SEMA3D: variants seen among roughly 807,000 people sequenced by gnomAD.
SEMA3D encodes semaphorin-3D.
Under a neutral mutation model 100.1 loss-of-function variants are expected in SEMA3D, and 84 were observed. That is an observed-to-expected ratio of 0.84 (90% CI 0.70 to 1.01). SEMA3D has a LOEUF of 1.01. Among genes scored for constraint, SEMA3D ranks in the 50% least tolerant of loss-of-function variants. SEMA3D has a pLI of 0.00. For missense variants in SEMA3D, 875 were observed against 934.1 expected (o/e 0.94, Z 0.82); for synonymous variants, 312 against 320.7 (o/e 0.97, Z 0.29).
chr7:85,028,334 C>T, intron 12 of SEMA3D: 2 of 611,884 alleles, frequency 3.3e-6, no homozygotes, highest in Non-Finnish European at 5.9e-6. Flanking sequence ...TCTCAATGTA[C>T]TTGGAATTAT....
the SEMA3D span, among the ~76,000 whole-genome samples, chr7:85,233,743 A>G: frequency 2.9e-4 from 44 of 152,368 alleles, no homozygotes; most frequent in Admixed American, 1.1e-3. Flanking sequence ...AAGAGATACC[A>G]ATACAAGCAA....
At chr7:85,189,168 T>A (rs1791639837), upstream of SEMA3D, among the ~76,000 whole-genome samples, 1 of 152,200 alleles carries the variant, frequency 6.6e-6, no homozygotes, top group Admixed American at 6.5e-5. Context: ...TTGCCCAATG[T>A]GATGAATGGC....
At chr7:85,168,997 A>C (rs1029324439) in intron 1 of SEMA3D, among the ~76,000 whole-genome samples, 5 of 151,748 alleles carry the variant, frequency 3.3e-5, no homozygotes, top group African/African-American at 1.2e-4. Flanking sequence ...ACAATATCTC[A>C]GTTTGCTTTT....
At chr7:85,062,471 G>A (rs1791504644) in intron 8 of SEMA3D, among the ~76,000 whole-genome samples, 1 of 152,134 alleles carries the variant, frequency 6.6e-6, no homozygotes, top group South Asian at 2.1e-4. Flanking sequence ...TTAGATAAAG[G>A]AGAGGAAGAA....
intron 1 of SEMA3D, among the ~76,000 whole-genome samples, chr7:85,159,403 C>A (rs771427960): frequency 3.9e-5 from 6 of 152,060 alleles, no homozygotes; most frequent in Non-Finnish European, 1.5e-5. Flanking sequence ...TCAAATTTTC[C>A]TCTAACTCTA....
At chr7:85,215,638 C>A in the SEMA3D span, among the ~76,000 whole-genome samples, 1 of 151,680 alleles carries the variant, frequency 6.6e-6, no homozygotes, top group Admixed American at 6.6e-5. Flanking sequence ...TTTGTTTCTG[C>A]GGATTATAAC....
chr7:85,218,084 A>G, the SEMA3D span, among the ~76,000 whole-genome samples: 38 of 152,086 alleles, frequency 2.5e-4, no homozygotes, highest in Admixed American at 5.9e-4. Flanking sequence ...AGGAGTCTCA[A>G]AGAAGCATAA....
chr7:85,246,904 A>G, the SEMA3D span, among the ~76,000 whole-genome samples: 1 of 151,986 alleles, frequency 6.6e-6, no homozygotes, highest in Non-Finnish European at 1.5e-5. Context: ...GATACAATAT[A>G]ACAGTGAAAA....
At chr7:85,212,544 A>T in the SEMA3D span, among the ~76,000 whole-genome samples, 1 of 150,958 alleles carries the variant, frequency 6.6e-6, no homozygotes, top group Non-Finnish European at 1.5e-5. Flanking sequence ...GACTCAGATT[A>T]AAAAACAAGT....
the SEMA3D span, among the ~76,000 whole-genome samples, chr7:85,205,352 G>A: frequency 6.6e-6 from 1 of 152,124 alleles, no homozygotes; most frequent in African/African-American, 2.4e-5. Flanking sequence ...GTAAGTAGAT[G>A]AGGTGATGGA....
chr7:85,208,039 A>G, the SEMA3D span, among the ~76,000 whole-genome samples: 1 of 151,908 alleles, frequency 6.6e-6, no homozygotes, highest in Non-Finnish European at 1.5e-5. Context: ...ATGCTAAATC[A>G]CTCCCAATTT....
intron 12 of SEMA3D, among the ~76,000 whole-genome samples, chr7:85,034,020 C>T (rs1790622406): frequency 6.6e-6 from 1 of 151,918 alleles, no homozygotes; most frequent in African/African-American, 2.4e-5. Context: ...TAGTAAATAG[C>T]CAAGAATTTG....
At chr7:85,060,355 C>A (rs1791438195) in intron 8 of SEMA3D, among the ~76,000 whole-genome samples, 1 of 152,088 alleles carries the variant, frequency 6.6e-6, no homozygotes, top group South Asian at 2.1e-4. Flanking sequence ...CTGTTGAGGT[C>A]CGGTCTTAGA....
chr7:85,194,273 C>A, the SEMA3D span, among the ~76,000 whole-genome samples: 1 of 152,006 alleles, frequency 6.6e-6, no homozygotes, highest in Non-Finnish European at 1.5e-5. Context: ...GATAGCATTG[C>A]TTGTTTCTGA....
chr7:85,125,647 T>C (rs1284141989), intron 2 of SEMA3D, among the ~76,000 whole-genome samples: 1 of 152,068 alleles, frequency 6.6e-6, no homozygotes, highest in Non-Finnish European at 1.5e-5. Flanking sequence ...AGACCTACAA[T>C]CTACTGGTCC....
At chr7:85,004,253 C>T (rs1789733610) in intron 18 of SEMA3D, among the ~76,000 whole-genome samples, 1 of 151,884 alleles carries the variant, frequency 6.6e-6, no homozygotes, top group African/African-American at 2.4e-5. Context: ...CACTTAGTGG[C>T]CTCATAGTTC....
intron 5 of SEMA3D, among the ~76,000 whole-genome samples, chr7:85,074,812 G>T (rs1300131629): frequency 6.6e-6 from 1 of 151,836 alleles, no homozygotes; most frequent in African/African-American, 2.4e-5. Flanking sequence ...TAGAGACAGG[G>T]TCTCGCTTTG....
intron 17 of SEMA3D, among the ~76,000 whole-genome samples, chr7:85,007,942 G>A (rs141653658): frequency 0.011 from 1,606 of 151,818 alleles, 11 homozygotes; most frequent in Non-Finnish European, 0.016. Flanking sequence ...GAATTTATTT[G>A]TGTTTTATCA....
At chr7:85,138,647 T>TA (rs1789937759) in intron 2 of SEMA3D, among the ~76,000 whole-genome samples, 1 of 97,858 alleles carries the variant, frequency 1.0e-5, no homozygotes, top group African/African-American at 5.8e-5. Context: ...ATTATATATA[T>TA]TTAATTTAAT....
Sources: gnomAD v4.1 joint callset for allele counts (sites outside exome capture counted in the v4.1 genomes callset) on GRCh38, gnomAD v4.1.1 for gene constraint, MANE v1.5 for transcripts, NCBI Gene and HGNC (gene_info 2026-07-23, HGNC 2026-07-21) for gene names.